PC: variants seen among roughly 807,000 people sequenced by gnomAD.
PC encodes pyruvate carboxylase.
Under a neutral mutation model 107.8 loss-of-function variants are expected in PC, and 46 were observed. The ratio of observed to expected loss-of-function variants is 0.43; its 90% confidence interval spans 0.34 to 0.55. The LOEUF is 0.55. Among genes scored for constraint, PC ranks in the 20% least tolerant of loss-of-function variants. The pLI is 0.04. For missense variants in PC, 1,241 were observed against 1,643.1 expected (o/e 0.76, Z 4.23); for synonymous variants, 662 against 684.7 (o/e 0.97, Z 0.52).
At chr11:66,853,501 G>C (rs1591127893) in intron 12 of PC, 118 bp from the exon 13 acceptor site, 3 of 1,232,016 alleles carry the variant, frequency 2.4e-6, no homozygotes, top group Non-Finnish European at 3.5e-6. Context: ...ACAGCTTCTG[G>C]GCCTCCCTGC....
At position 66,863,900 on chromosome 11, in the gene PC, T is replaced by C; in HGVS notation, c.1242A>G (p.Gln414=). ...CGTAGTGGGGCGAGATGACGGCTCC[T>C]TGGAAGGCGGAAGCATTATCCAGGC... ...GIRLDNASAF[Q]GAVISPHYDS... is the part of the protein sequence containing the mutation. Residue 414 remains glutamine, a synonymous_variant, in exon 12 of 23, where the codon CAA becomes CAG. Coordinates refer to ENST00000393960, the MANE Select transcript of PC (RefSeq NM_001040716.2). The C allele has an allele frequency of 6.2e-7, 1 of 1,613,990 alleles. No individual in the cohort carries two copies.
chr11:66,864,247 G>C (rs1799023494), intron 11 of PC, among the ~76,000 whole-genome samples: 1 of 152,264 alleles, frequency 6.6e-6, no homozygotes, highest in South Asian at 2.1e-4. Flanking sequence ...GAGGGGCCCG[G>C]GCAGGCAGGG....
intron 3 of PC, among the ~76,000 whole-genome samples, chr11:66,928,901 A>C (rs1377430120): frequency 1.3e-5 from 2 of 152,182 alleles, no homozygotes; most frequent in Non-Finnish European, 2.9e-5. Flanking sequence ...GAAACACTAC[A>C]TGAAAGTGGG....
At chr11:66,957,570 C>G (rs1949596765) in intron 1 of PC, among the ~76,000 whole-genome samples, 1 of 152,170 alleles carries the variant, frequency 6.6e-6, no homozygotes, top group Non-Finnish European at 1.5e-5. Flanking sequence ...GAGCCGAGAT[C>G]GCGCCACTGC....
At chr11:66,849,181 T>C (rs759169537) in intron 22 of PC, 34 bp from the exon 23 acceptor site, 25 of 1,613,572 alleles carry the variant, frequency 1.5e-5, no homozygotes, top group Non-Finnish European at 2.0e-5. Context: ...CATGACATCC[T>C]GGGCCCAGCC....
rs576774814 is a variant in PC, at chr11:66,926,801, A to C, written c.-1+25629T>G. ...ATTCTGGATATTTCCTAGAAATGTCATATAGTATGTGACCTTTTGTGTCTG... is the reference window on the plus strand; with the variant it reads ...ATTCTGGATATTTCCTAGAAATGTCCTATAGTATGTGACCTTTTGTGTCTG... On this transcript the variant is annotated intron_variant, in intron 3 of 22. Transcript: ENST00000393960. 8.4e-5 allele frequency among the ~76,000 whole-genome samples: 12 copies of C among 143,156 alleles called. No homozygotes were observed. In the South Asian group the frequency reaches 2.4e-3, roughly 28 times the overall value. The allele number at this position is 143,156 out of a possible 152,430, so 93.9% of individuals were successfully genotyped here. A position where few individuals can be genotyped will look rare whatever the true frequency, so the allele number is the denominator to read the frequency against.
chr11:66,942,203 C>T (rs1286288523), intron 3 of PC, among the ~76,000 whole-genome samples: 3 of 151,256 alleles, frequency 2.0e-5, no homozygotes, highest in African/African-American at 7.3e-5. Context: ...TCGAGACCAT[C>T]CTGGCTAACA....
intron 11 of PC, among the ~76,000 whole-genome samples, chr11:66,865,853 C>T (rs1946470904): frequency 6.6e-6 from 1 of 152,120 alleles, no homozygotes; most frequent in Admixed American, 6.5e-5. Flanking sequence ...TGGGCTCCGT[C>T]GGCAGCCAGG....
chr11:66,859,863 C>T, intron 12 of PC: 2 of 1,563,134 alleles, frequency 1.3e-6, no homozygotes, highest in South Asian at 1.2e-5. Context: ...GGGGGGTGTG[C>T]TGGTGGCTGC....
At chr11:66,924,806 G>C (rs1026000963) in intron 3 of PC, among the ~76,000 whole-genome samples, 4 of 152,118 alleles carry the variant, frequency 2.6e-5, no homozygotes, top group Non-Finnish European at 5.9e-5. Flanking sequence ...CATGATCTTT[G>C]GACAAAAGGA....
intron 3 of PC, among the ~76,000 whole-genome samples, chr11:66,877,340 C>T (rs1222572474): frequency 2.0e-5 from 3 of 152,120 alleles, no homozygotes; most frequent in Admixed American, 6.5e-5. Context: ...GAGCCGAGAT[C>T]GCGCCATTGC....
At chr11:66,856,300 C>A (rs951474295) in intron 12 of PC, among the ~76,000 whole-genome samples, 1 of 152,218 alleles carries the variant, frequency 6.6e-6, no homozygotes, top group African/African-American at 2.4e-5. Context: ...GAAGCCGCGC[C>A]GCGCAGACCA....
At chr11:66,912,077 T>C (rs1350572176) in intron 3 of PC, among the ~76,000 whole-genome samples, 1 of 151,924 alleles carries the variant, frequency 6.6e-6, no homozygotes, top group Admixed American at 6.6e-5. Context: ...CTGAAAACTA[T>C]AAAAGACCCT....
At chr11:66,850,578 C>G in intron 18 of PC, 96 bp downstream of exon 18, 2 of 1,601,110 alleles carry the variant, frequency 1.2e-6, no homozygotes, top group Middle Eastern at 3.6e-4. Context: ...AAGGCCAGAG[C>G]AGGGCATCTG....
At chr11:66,900,131 C>T (rs1356117990) in intron 3 of PC, among the ~76,000 whole-genome samples, 1 of 151,046 alleles carries the variant, frequency 6.6e-6, no homozygotes, top group African/African-American at 2.4e-5. Flanking sequence ...ACCAGTACCA[C>T]ACTGCAGTTA....
chr11:66,947,723 G>A (rs947095068), intron 3 of PC, among the ~76,000 whole-genome samples: 1 of 151,940 alleles, frequency 6.6e-6, no homozygotes, highest in South Asian at 2.1e-4. Context: ...AACACTTTTC[G>A]AGGCTGAGGT....
In PC at chr11:66,866,273, T is replaced by A; in HGVS notation, c.1099A>T (p.Ile367Phe). Reference protein sequence around the residue: ...LPDLGLRQENIRINGCAIQCR... With the variant: ...LPDLGLRQENFRINGCAIQCR... ...TGGATGGCACACCCGTTGATGCGGATGTTCTCCTGCCGCAGGCCCAGGTCG... is the reference window on the plus strand; with the variant it reads ...TGGATGGCACACCCGTTGATGCGGAAGTTCTCCTGCCGCAGGCCCAGGTCG... The change falls in exon 11 of 23, where the codon ATC becomes TTC. Residue 367 changes from isoleucine (I) to phenylalanine (F), a missense_variant. Physicochemically the swap from Ile to Phe is conservative, Grantham distance 21. Around this residue, in one of 2 missense-constraint regions of PC, gnomAD observed 1,143 missense variants for 1,551.9 expected, o/e 0.74. Transcript: ENST00000393960. This position sits in a 1 kb window ranked among gnomAD's most constrained non-coding sequence, Gnocchi z 5.4. 6.2e-7 allele frequency: 1 copy of A among 1,612,918 alleles called. No homozygotes were observed. The highest frequency in any genetic ancestry group is 8.5e-7 in the Non-Finnish European group (1 of 1,179,844).
rs559954859 is a variant in PC at position 66,859,548 on chromosome 11, G to A, written c.1368+4226C>T. ...GAGCCCGAGTGGCCCCAGGGGGAGGGGTGTTTGGAGCTGGGAGCACGGGAG... is the reference window on the plus strand; with the variant it reads ...GAGCCCGAGTGGCCCCAGGGGGAGGAGTGTTTGGAGCTGGGAGCACGGGAG... On this transcript the variant is annotated intron_variant, in intron 12 of 22. Coordinates refer to ENST00000393960, the MANE Select transcript of PC (RefSeq NM_001040716.2). 2.2e-5 allele frequency: 34 copies of A among 1,571,012 alleles called. No individual in the cohort carries two copies. In the African/African-American group the frequency reaches 2.4e-4, roughly 11 times the overall value.
intron 3 of PC, among the ~76,000 whole-genome samples, chr11:66,903,767 A>AT (rs1304149612): frequency 0.018 from 1,981 of 111,330 alleles, 11 homozygotes; most frequent in South Asian, 0.038. Context: ...AAAAAAAAAA[A>AT]AAAAAAATAT....
Sources: gnomAD v4.1 joint callset for allele counts (sites outside exome capture counted in the v4.1 genomes callset) on GRCh38, gnomAD v4.1.1 for gene constraint, gnomAD v4.1.1 regional missense constraint, Gnocchi (gnomAD v3.1) non-coding constraint, MANE v1.5 for transcripts, NCBI Gene and HGNC (gene_info 2026-07-23, HGNC 2026-07-21) for gene names.